NCKAP5: variants seen among roughly 807,000 people sequenced by gnomAD.
The protein encoded by NCKAP5 is NCK associated protein 5.
A neutral mutation model predicts 167.0 loss-of-function variants in NCKAP5; 92 were observed. That is an observed-to-expected ratio of 0.55 (90% CI 0.47 to 0.66). The LOEUF (loss-of-function observed/expected upper bound fraction) is 0.66, where lower values mean the gene tolerates loss of function less well. Among genes scored for constraint, NCKAP5 ranks in the 30% least tolerant of loss-of-function variants. The probability of loss-of-function intolerance (pLI) is 0.00; values close to 1 mark genes in which losing one functional copy is unlikely to be tolerated. For synonymous variants in NCKAP5, 891 were observed against 877.4 expected, an observed-to-expected ratio of 1.02 and a Z score of -0.27; for missense variants, 2,378 against 2,315.0, an observed-to-expected ratio of 1.03 and a Z score of -0.56.
intron 5 of NCKAP5, among the ~76,000 whole-genome samples, chr2:133,179,927 G>T (rs2084656723): frequency 6.6e-6 from 1 of 151,226 alleles, no homozygotes; most frequent in Admixed American, 6.6e-5. Flanking sequence ...AGAATTCAAA[G>T]AAAGAATAGA....
intron 2 of NCKAP5, among the ~76,000 whole-genome samples, chr2:133,556,564 CACTAAGAAA>C (rs1687753991): frequency 6.6e-6 from 1 of 151,948 alleles, no homozygotes; most frequent in Middle Eastern, 3.2e-3. Context: ...GTAGATTGTA[CACTAAGAAA>C]ATACTCATCT....
chr2:132,752,532 A>C (rs1680203392), intron 16 of NCKAP5, among the ~76,000 whole-genome samples: 1 of 151,722 alleles, frequency 6.6e-6, no homozygotes. Flanking sequence ...GTCTCTACCC[A>C]CCCCCTGCCC....
the NCKAP5 span, among the ~76,000 whole-genome samples, chr2:133,628,510 A>G: frequency 6.6e-6 from 1 of 152,234 alleles, no homozygotes; most frequent in Admixed American, 6.5e-5. Flanking sequence ...AAACAACTGG[A>G]AAAACATTCC....
At chr2:132,698,693 A>G (rs13431416) in intron 19 of NCKAP5, among the ~76,000 whole-genome samples, 17,865 of 151,980 alleles carry the variant, frequency 0.12, 3,315 homozygotes, top group African/African-American at 0.4. Flanking sequence ...AATTAGCTGG[A>G]TGTGGTGGCA....
intron 19 of NCKAP5, among the ~76,000 whole-genome samples, chr2:132,718,477 G>GACT (rs1426656267): frequency 1.3e-5 from 2 of 152,186 alleles, no homozygotes; most frequent in Admixed American, 1.3e-4. Flanking sequence ...GGAGGCACGG[G>GACT]ACTATTTAGA....
At chr2:133,524,565 G>A (rs1029617499) in intron 2 of NCKAP5, among the ~76,000 whole-genome samples, 1 of 152,118 alleles carries the variant, frequency 6.6e-6, no homozygotes, top group Non-Finnish European at 1.5e-5. Context: ...CAAATGGCAA[G>A]CCCAATGTTG....
At chr2:133,543,980 A>G (rs1686442958) in intron 2 of NCKAP5, among the ~76,000 whole-genome samples, 1 of 152,222 alleles carries the variant, frequency 6.6e-6, no homozygotes, top group African/African-American at 2.4e-5. Flanking sequence ...ATCTAGAACA[A>G]GCTTATCTTG....
At chr2:133,377,695 C>T (rs946099103) in intron 3 of NCKAP5, among the ~76,000 whole-genome samples, 20 of 152,136 alleles carry the variant, frequency 1.3e-4, no homozygotes, top group African/African-American at 1.9e-4. Context: ...GACCACCTAC[C>T]GTGTGCAAAG....
At chr2:132,883,237 C>CACACACACACACAA (rs56707659) in intron 8 of NCKAP5, among the ~76,000 whole-genome samples, 1 of 148,510 alleles carries the variant, frequency 6.7e-6, no homozygotes, top group Non-Finnish European at 1.5e-5. Context: ...CACACACACA[C>CACACACACACACAA]GACACCCACC....
intron 3 of NCKAP5, among the ~76,000 whole-genome samples, chr2:133,473,663 C>A (rs13408209): frequency 0.18 from 26,736 of 152,192 alleles, 4,674 homozygotes; most frequent in African/African-American, 0.46. Context: ...ACTTTGTAAA[C>A]GTTGTCTAGT....
chr2:133,131,926 T>C (rs1425930195), intron 5 of NCKAP5, among the ~76,000 whole-genome samples: 2 of 151,720 alleles, frequency 1.3e-5, no homozygotes, highest in Non-Finnish European at 2.9e-5. Flanking sequence ...TCACCAATAC[T>C]ACAGAATTTG....
intron 5 of NCKAP5, among the ~76,000 whole-genome samples, chr2:133,212,023 T>A (rs79156862): frequency 0.017 from 2,665 of 152,310 alleles, 69 homozygotes; most frequent in African/African-American, 0.06. Flanking sequence ...TGAAATTTAG[T>A]TATTACCTGA....
At chr2:133,633,557 A>G in the NCKAP5 span, among the ~76,000 whole-genome samples, 1 of 152,172 alleles carries the variant, frequency 6.6e-6, no homozygotes, top group Non-Finnish European at 1.5e-5. Context: ...TGAATATGAG[A>G]CAGCACACAG....
intron 6 of NCKAP5, among the ~76,000 whole-genome samples, chr2:133,108,102 A>G (rs2081777520): frequency 6.6e-6 from 1 of 152,018 alleles, no homozygotes. Flanking sequence ...TAACTTGAAG[A>G]TCATCTTAGT....
chr2:133,598,007 G>A, the NCKAP5 span, among the ~76,000 whole-genome samples: 1 of 152,178 alleles, frequency 6.6e-6, no homozygotes, highest in African/African-American at 2.4e-5. Context: ...GGGAGAAACA[G>A]AGCTCCAGGT....
intron 3 of NCKAP5, among the ~76,000 whole-genome samples, chr2:133,444,379 GAT>G (rs1691054077): frequency 1.3e-5 from 2 of 150,488 alleles, no homozygotes; most frequent in African/African-American, 5.0e-5. Flanking sequence ...TAGATAGATA[GAT>G]AGATAGATAG....
chr2:132,719,423 A>G (rs1251773287), intron 19 of NCKAP5, among the ~76,000 whole-genome samples: 5 of 152,232 alleles, frequency 3.3e-5, no homozygotes, highest in Non-Finnish European at 5.9e-5. Context: ...ATTGACAGAC[A>G]AAAAGCTGAA....
At chr2:132,816,464 C>T (rs912389336) in intron 11 of NCKAP5, among the ~76,000 whole-genome samples, 1 of 152,098 alleles carries the variant, frequency 6.6e-6, no homozygotes, top group Non-Finnish European at 1.5e-5. Flanking sequence ...CAATGGATTT[C>T]CTTTCCTTTC....
intron 6 of NCKAP5, among the ~76,000 whole-genome samples, chr2:133,100,763 A>G (rs1260405960): frequency 1.3e-5 from 2 of 148,864 alleles, no homozygotes; most frequent in Admixed American, 6.7e-5. Context: ...TGTGGCTTGG[A>G]AAAAAAAAAC....
Sources: allele counts gnomAD v4.1 joint callset (sites outside exome capture counted in the v4.1 genomes callset), GRCh38; gene constraint gnomAD v4.1.1; transcripts MANE v1.5; gene names NCBI Gene and HGNC (gene_info 2026-07-23, HGNC 2026-07-21).